Variants in SETD1A observed in about 807,000 individuals in gnomAD.
The protein encoded by SETD1A is histone-lysine N-methyltransferase SETD1A.
A neutral mutation model predicts 149.9 loss-of-function variants in SETD1A; 29 were observed. That is an observed-to-expected ratio of 0.19 (90% CI 0.14 to 0.26). SETD1A has a LOEUF of 0.26. Ranked by LOEUF, SETD1A falls within the 10% of genes least tolerant of loss-of-function variation. The pLI is 1.00. For synonymous variants in SETD1A, 1,141 were observed against 968.5 expected (o/e 1.18, Z -3.31); for missense variants, 2,109 against 2,353.1 (o/e 0.90, Z 2.15).
In SETD1A at chr16:30,961,415, G is replaced by A. The variant is rs761673509; in HGVS notation, c.395G>A (p.Arg132His). 44 of 1,614,096 alleles carry A rather than the reference G, an allele frequency of 2.7e-5. 1 individual carries two copies. Among genetic ancestry groups the A allele is most frequent in the South Asian group, 2.6e-4 (24 of 91,096 alleles). Reference sequence around the variant, plus strand: ...GAGATCCTCCTTCACCCCCGTACGCGCAAGCACCTGGGCCTGGCCCGTGTG... The same window carrying A: ...GAGATCCTCCTTCACCCCCGTACGCACAAGCACCTGGGCCTGGCCCGTGTG... ...EVEILLHPRTRKHLGLARVLF... is the reference protein window; with the variant it reads ...EVEILLHPRTHKHLGLARVLF... Residue 132 changes from arginine (R) to histidine (H), a missense_variant, in exon 4 of 19, where the codon CGC becomes CAC. This residue lies in a region of SETD1A where 62 missense variants were observed against 149.5 expected (regional missense o/e 0.41). Coordinates refer to ENST00000262519, the MANE Select transcript of SETD1A (RefSeq NM_014712.3). The surrounding 1 kb of genome is among the most constrained non-coding windows in gnomAD (Gnocchi z 4.0).
rs760858068 is a variant in SETD1A at position 30,979,543 on chromosome 16, C to T, written c.3757C>T (p.Leu1253=). 3 of 1,608,382 alleles carry T rather than the reference C, an allele frequency of 1.9e-6. No homozygotes were observed. The highest frequency in any genetic ancestry group is 2.5e-6 in the Non-Finnish European group (3 of 1,178,636). The change falls in exon 14 of 19, where the codon CTG becomes TTG. Residue 1253 remains leucine (L), a synonymous_variant. Coordinates refer to ENST00000262519, the MANE Select transcript of SETD1A (RefSeq NM_014712.3). ...EEAEPGTEVD[L]AVLADLALTP... ...GGCTGAGCCAGGGACAGAGGTGGACCTGGCGGTCCTGGCCGACCTGGCCCT... is the reference window on the plus strand; with the variant it reads ...GGCTGAGCCAGGGACAGAGGTGGACTTGGCGGTCCTGGCCGACCTGGCCCT...
intron 13 of SETD1A, among the ~76,000 whole-genome samples, chr16:30,976,830 A>G (rs1298505939): frequency 6.6e-6 from 1 of 151,716 alleles, no homozygotes; most frequent in Non-Finnish European, 1.5e-5. Context: ...GAGGAGAGGA[A>G]GATGCAGGCA....
chr16:30,961,839 G>C lies in SETD1A; in HGVS notation c.517+302G>C, dbSNP rs939125154. Among the ~76,000 whole-genome samples the C allele has an allele frequency of 1.3e-5, 2 of 152,068 alleles. No homozygotes were observed. The highest frequency in any genetic ancestry group is 4.8e-5 in the African/African-American group (2 of 41,408). ...GAATAGATTGTAGTAAATCAGCCCAGGTCAGGTTGGTTGCTTGGTTGGTTT... is the reference window on the plus strand; with the variant it reads ...GAATAGATTGTAGTAAATCAGCCCACGTCAGGTTGGTTGCTTGGTTGGTTT... On this transcript the variant is annotated intron_variant, in intron 4 of 18. Transcript: ENST00000262519. This position sits in a 1 kb window ranked among gnomAD's most constrained non-coding sequence, Gnocchi z 4.0.
Position 30,964,771 on chromosome 16 carries a change from A to T in SETD1A, c.1029A>T (p.Ser343=). ...CCTCATCCTCCGCCTCTTCCTCCTC[A>T]TTGTCCTCGTCCTCCTCGTCATCCT... ...ATASSSASSS[S]LSSSSSSSSS... is the part of the protein sequence containing the mutation. Residue 343 remains serine, a synonymous_variant, in exon 7 of 19, where the codon TCA becomes TCT. Transcript: ENST00000262519. 1 of 1,613,594 alleles carries T rather than the reference A, an allele frequency of 6.2e-7. No homozygotes were observed. Among genetic ancestry groups the T allele is most frequent in the East Asian group, 2.2e-5 (1 of 44,856 alleles).
In SETD1A at chr16:30,979,246, C is replaced by T; in HGVS notation, c.3460C>T (p.Pro1154Ser). 6.6e-7 allele frequency: 1 copy of T among 1,523,030 alleles called. No homozygotes were observed. The allele number at this position is 1,523,030 out of a possible 1,614,324, so 94.3% of individuals were successfully genotyped here. Residue 1154 changes from proline to serine, a missense_variant, in exon 14 of 19, where the codon CCC becomes TCC. Physicochemically the swap from Pro to Ser is moderately conservative, Grantham distance 74. Transcript: ENST00000262519. ...APRPDERPSSPIPLLPPPKKR... is the reference protein window; with the variant it reads ...APRPDERPSSSIPLLPPPKKR... ...ACGCCCCGATGAGCGTCCCTCTTCT[C>T]CCATCCCCCTCCTGCCCCCACCCAA... is the stretch of plus-strand genomic sequence containing the variant.
Position 30,983,832 on chromosome 16 carries a change from ACG to A in SETD1A, c.4951-16_4951-15del. 1.2e-6 allele frequency: 2 copies of A among 1,610,510 alleles called. No individual in the cohort carries two copies. The highest frequency in any genetic ancestry group is 1.7e-6 in the Non-Finnish European group (2 of 1,177,888). The stretch of plus-strand genomic sequence containing the variant: ...GTCGGTGGGGGTGGCCACGGCTCAC[ACG>A]CCCTTCCATCCGCAGCCTAACTGCT... On this transcript the variant is annotated splice_polypyrimidine_tract_variant and intron_variant, in intron 18 of 18. Coordinates refer to ENST00000262519, the MANE Select transcript of SETD1A (RefSeq NM_014712.3). This position sits in a 1 kb window ranked among gnomAD's most constrained non-coding sequence, Gnocchi z 6.8.
Position 30,984,385 on chromosome 16 carries a change from G to T in SETD1A, c.*362G>T. ...ATGGGGACTTCCCCTTACGCCCTGCGTGTACCCCTCCCCAGTTTAGGGGTC... is the reference window on the plus strand; with the variant it reads ...ATGGGGACTTCCCCTTACGCCCTGCTTGTACCCCTCCCCAGTTTAGGGGTC... On this transcript the variant is annotated 3_prime_UTR_variant, in exon 19 of 19. Transcript: ENST00000262519. The T allele has an allele frequency of 4.7e-6, 1 of 213,830 alleles. No individual in the cohort carries two copies. Among genetic ancestry groups the T allele is most frequent in the Non-Finnish European group, 9.5e-6 (1 of 105,718 alleles). 13.2% of individuals were successfully genotyped at this position (213,830 alleles called of 1,614,324 possible).
At position 30,963,355 on chromosome 16, in the gene SETD1A, C is replaced by T; in HGVS notation, c.518-78C>T. ...CAAGAAATTGTAGGAAACTTGAGGC[C>T]TGAGAAAGCAGGAATACCAGATCAG... On this transcript the variant is annotated intron_variant, in intron 4 of 18. Transcript: ENST00000262519. 5.8e-6 allele frequency: 8 copies of T among 1,375,250 alleles called. No homozygotes were observed. In the South Asian group the frequency reaches 8.9e-5, roughly 15 times the overall value. The allele number at this position is 1,375,250 out of a possible 1,614,324, so 85.2% of individuals were successfully genotyped here. A position where few individuals can be genotyped will look rare whatever the true frequency, so the allele number is the denominator to read the frequency against.
chr16:30,965,598 C>T lies in SETD1A; in HGVS notation c.1720-3C>T. 1 of 1,612,506 alleles carries T rather than the reference C, an allele frequency of 6.2e-7. No individual in the cohort carries two copies. Among genetic ancestry groups the T allele is most frequent in the East Asian group, 2.2e-5 (1 of 44,854 alleles). On this transcript the variant is annotated splice_region_variant and splice_polypyrimidine_tract_variant and intron_variant, in intron 7 of 18. Transcript: ENST00000262519. ...CTTCTGTGACCCTCTTCTGCCCCCGCAGGCTTCTCCATGCTCTTCTGGAGA... is the reference window on the plus strand; with the variant it reads ...CTTCTGTGACCCTCTTCTGCCCCCGTAGGCTTCTCCATGCTCTTCTGGAGA...
At chr16:30,969,215 A>G in intron 10 of SETD1A, 90 bp from the exon 11 acceptor site, 1 of 1,282,600 alleles carries the variant, frequency 7.8e-7, no homozygotes, top group Non-Finnish European at 1.1e-6. Flanking sequence ...CATCAGGAAG[A>G]TTGGTAATAG....
chr16:30,959,296 C>T (rs2056013403), intron 3 of SETD1A, 110 bp downstream of exon 3: 2 of 774,468 alleles, frequency 2.6e-6, no homozygotes, highest in South Asian at 1.4e-5. Flanking sequence ...TCAGCCAGAT[C>T]TAGCAACCTC....
In SETD1A at chr16:30,966,978, C is replaced by T; in HGVS notation, c.2600C>T (p.Ala867Val). The change falls in exon 9 of 19, where the codon GCC (alanine) becomes GTC (valine). Residue 867 changes from alanine to valine, a missense_variant. Around this residue, in one of 8 missense-constraint regions of SETD1A, gnomAD observed 832 missense variants for 815.6 expected, o/e 1.02. Transcript: ENST00000262519. ...GGCCTGCTGTCCCTCGTGGACTGGG[C>T]CAAGAGCGGGGGCACTACGGGCATC... Reference protein sequence around the residue: ...EPGLLSLVDWAKSGGTTGIEA... With the variant: ...EPGLLSLVDWVKSGGTTGIEA... 1 of 1,592,824 alleles carries T rather than the reference C, an allele frequency of 6.3e-7. No individual in the cohort carries two copies. The highest frequency in any genetic ancestry group is 8.5e-7 in the Non-Finnish European group (1 of 1,170,332).
chr16:30,961,425 G>C lies in SETD1A; in HGVS notation c.405G>C (p.Leu135=), dbSNP rs1170615476. Residue 135 remains leucine, a synonymous_variant, in exon 4 of 19, where the codon CTG becomes CTC. Transcript: ENST00000262519. The surrounding 1 kb of genome is among the most constrained non-coding windows in gnomAD (Gnocchi z 4.0). ...ILLHPRTRKH[L]GLARVLFTST... ...TTCACCCCCGTACGCGCAAGCACCT[G>C]GGCCTGGCCCGTGTGCTCTTCACCA... 1.2e-6 allele frequency: 2 copies of C among 1,614,236 alleles called. No individual in the cohort carries two copies. The highest frequency in any genetic ancestry group is 1.7e-6 in the Non-Finnish European group (2 of 1,180,044).
intron 17 of SETD1A, among the ~76,000 whole-genome samples, chr16:30,981,381 C>T (rs1290170062): frequency 6.6e-6 from 1 of 152,144 alleles, no homozygotes; most frequent in Non-Finnish European, 1.5e-5. Context: ...TGCTCCCTTT[C>T]TTTTTTTGTT....
chr16:30,980,935 TG>T lies in SETD1A; in HGVS notation c.4692+88del. ...CAGGGGACCACCCAGCAGGCTCCTG[TG>T]GTTCCCTCGGGTGGAGTTGGGGGGT... On this transcript the variant is annotated intron_variant, in intron 16 of 18. Transcript: ENST00000262519. The surrounding 1 kb of genome is among the most constrained non-coding windows in gnomAD (Gnocchi z 7.7). 6.4e-7 allele frequency: 1 copy of T among 1,566,336 alleles called. No individual in the cohort carries two copies. The highest frequency in any genetic ancestry group is 1.7e-5 in the Admixed American group (1 of 58,316).
intron 13 of SETD1A, among the ~76,000 whole-genome samples, chr16:30,973,520 T>C (rs2056250346): frequency 6.6e-6 from 1 of 151,894 alleles, no homozygotes; most frequent in Non-Finnish European, 1.5e-5. Flanking sequence ...CCAGATGTGG[T>C]GTTGTGTACC....
intron 4 of SETD1A, 43 bp from the exon 5 acceptor site, chr16:30,963,390 A>C (rs2056080851): frequency 1.3e-6 from 2 of 1,548,584 alleles, no homozygotes; most frequent in Non-Finnish European, 1.7e-6. Context: ...GGAAGGAGTT[A>C]GTATCTCCAT....
intron 13 of SETD1A, among the ~76,000 whole-genome samples, chr16:30,973,785 CT>C (rs1207896010): frequency 2.0e-5 from 3 of 152,156 alleles, no homozygotes; most frequent in African/African-American, 4.8e-5. Context: ...CTCTACTAAG[CT>C]CCAGACCCCA....
chr16:30,979,224 C>A lies in SETD1A; in HGVS notation c.3438C>A (p.Arg1146=). Residue 1146 remains arginine (R), a synonymous_variant, in exon 14 of 19, where the codon CGC becomes CGA. Coordinates refer to ENST00000262519, the MANE Select transcript of SETD1A (RefSeq NM_014712.3). ...CTGGGCCCCCGGCCCCTGCCCCACG[C>A]CCCGATGAGCGTCCCTCTTCTCCCA... is the stretch of plus-strand genomic sequence containing the variant. The part of the protein sequence containing the change: ...PPAGPPAPAP[R]PDERPSSPIP... 6.3e-7 allele frequency: 1 copy of A among 1,593,752 alleles called. No individual in the cohort carries two copies. The highest frequency in any genetic ancestry group is 8.5e-7 in the Non-Finnish European group (1 of 1,169,656).
Sources: gnomAD v4.1 joint callset for allele counts (sites outside exome capture counted in the v4.1 genomes callset) on GRCh38, gnomAD v4.1.1 for gene constraint, gnomAD v4.1.1 regional missense constraint, Gnocchi (gnomAD v3.1) non-coding constraint, MANE v1.5 for transcripts, NCBI Gene and HGNC (gene_info 2026-07-23, HGNC 2026-07-21) for gene names.